Variants in GRHL3 observed in about 807,000 individuals in gnomAD.
GRHL3 encodes the protein grainyhead like transcription factor 3.
A neutral mutation model predicts 70.3 loss-of-function variants in GRHL3; 20 were observed. That is an observed-to-expected ratio of 0.28 (90% confidence interval 0.20 to 0.41). GRHL3 has a LOEUF of 0.41. GRHL3 is among the 10% of genes least tolerant of loss of function. The probability of loss-of-function intolerance (pLI) is 1.00; values close to 1 mark genes in which losing one functional copy is unlikely to be tolerated. For missense variants in GRHL3, 637 were observed against 762.3 expected, an observed-to-expected ratio of 0.84 and a Z score of 1.94; for synonymous variants, 299 against 299.9, an observed-to-expected ratio of 1.00 and a Z score of 0.03.
Position 24,322,959 on chromosome 1 carries a change from A to G in GRHL3, c.17+3391A>G. 1 of 793,928 alleles carries G rather than the reference A, an allele frequency of 1.3e-6. No homozygotes were observed. 49.2% of individuals were successfully genotyped at this position (793,928 alleles called of 1,614,324 possible). A position where few individuals can be genotyped will look rare whatever the true frequency, so the allele number is the denominator to read the frequency against. ...GGCTTGCCCAAGGTCTCACGGAAGC[A>G]CTGGGATCTTAACCGGGTCTTAGCC... On this transcript the variant is annotated intron_variant, in intron 1 of 15. Coordinates refer to ENST00000361548, the MANE Select transcript of GRHL3 (RefSeq NM_198173.3). The surrounding 1 kb of genome is among the most constrained non-coding windows in gnomAD (Gnocchi z 4.4).
At position 24,331,447 on chromosome 1, in the gene GRHL3, A is replaced by G. The variant is rs1265023119; in HGVS notation, c.39A>G (p.Leu13=). Residue 13 remains leucine, a synonymous_variant, in exon 2 of 16, where the codon CTA becomes CTG. Transcript: ENST00000361548. ...TCAGTTTCAGGTCTGTGCGGCTGCT[A>G]AAGAACGACCCAGTCAACTTGCAGA... ...NELDFRSVRL[L]KNDPVNLQKF... The G allele has an allele frequency of 6.2e-7, 1 of 1,613,050 alleles. No individual in the cohort carries two copies. The highest frequency in any genetic ancestry group is 1.7e-5 in the Admixed American group (1 of 59,900).
At chr1:24,335,644 G>A (rs927969618) in intron 3 of GRHL3, among the ~76,000 whole-genome samples, 7 of 150,710 alleles carry the variant, frequency 4.6e-5, no homozygotes, top group African/African-American at 7.4e-5. Context: ...GTGCAGTGGC[G>A]CGGTCTTGGC....
In GRHL3 at chr1:24,363,442, T is replaced by C. The variant is rs538076754; in HGVS notation, c.1695-743T>C. On this transcript the variant is annotated intron_variant, in intron 15 of 15. Coordinates refer to the GRHL3 transcript ENST00000350501. ...GACAATCCGCTGCCAGCAACAGCCA[T>C]GACTGGTGACAACTTCAGGCAGTAC... 1.3e-4 allele frequency among the ~76,000 whole-genome samples: 20 copies of C among 152,318 alleles called. No individual in the cohort carries two copies. The South Asian group carries it at 2.7e-3, about 21-fold the overall frequency.
rs1640640605 is a variant in GRHL3 at position 24,354,507 on chromosome 1, A to G, written c.*19A>G. ...GCTGTAAGGCCTCTCGAGCATCCAAACCCTCACGACCTGCAAGGGGCCAGC... is the reference window on the plus strand; with the variant it reads ...GCTGTAAGGCCTCTCGAGCATCCAAGCCCTCACGACCTGCAAGGGGCCAGC... On this transcript the variant is annotated 3_prime_UTR_variant, in exon 16 of 16. Coordinates refer to ENST00000361548, the MANE Select transcript of GRHL3 (RefSeq NM_198173.3). The G allele has an allele frequency of 6.7e-7, 1 of 1,488,650 alleles. No individual in the cohort carries two copies. The allele number at this position is 1,488,650 out of a possible 1,614,324, so 92.2% of individuals were successfully genotyped here.
rs370153007 is a variant in GRHL3 at position 24,337,124 on chromosome 1, G to A, written c.659G>A (p.Cys220Tyr). 9 of 1,613,990 alleles carry A rather than the reference G, an allele frequency of 5.6e-6. No individual in the cohort carries two copies. In the East Asian group the frequency reaches 6.7e-5, roughly 12 times the overall value. The change falls in exon 5 of 16, where the codon TGT becomes TAT. Residue 220 changes from cysteine (C) to tyrosine (Y), a missense_variant. By Grantham distance (194) the Cys-to-Tyr change is radical. Around this residue, in one of 2 missense-constraint regions of GRHL3, gnomAD observed 387 missense variants for 513.8 expected, o/e 0.75. Coordinates refer to ENST00000361548, the MANE Select transcript of GRHL3 (RefSeq NM_198173.3). ...DILKTSPEPP[C>Y]PEDYPSLKSD... Reference sequence around the variant, plus strand: ...CTGAAAACCTCCCCGGAACCCCCATGTCCAGAGGACTACCCCAGCCTCAAA... The same window carrying A: ...CTGAAAACCTCCCCGGAACCCCCATATCCAGAGGACTACCCCAGCCTCAAA...
Position 24,337,064 on chromosome 1 carries a change from G to A in GRHL3, c.613-14G>A. Reference sequence around the variant, plus strand: ...TGTGAGCATTTATTCTCTTGGGGCTGTGTTTCTCTGCAGTCGATGCTCTTC... The same window carrying A: ...TGTGAGCATTTATTCTCTTGGGGCTATGTTTCTCTGCAGTCGATGCTCTTC... On this transcript the variant is annotated splice_polypyrimidine_tract_variant and intron_variant, in intron 4 of 15. Transcript: ENST00000361548. The A allele has an allele frequency of 6.2e-7, 1 of 1,613,150 alleles. No homozygotes were observed. The highest frequency in any genetic ancestry group is 8.5e-7 in the Non-Finnish European group (1 of 1,179,164).
At position 24,350,102 on chromosome 1, in the gene GRHL3, C is replaced by G; in HGVS notation, c.1674C>G (p.Val558=). The change falls in exon 15 of 16, where the codon GTC becomes GTG. Residue 558 remains valine, a synonymous_variant. Coordinates refer to ENST00000361548, the MANE Select transcript of GRHL3 (RefSeq NM_198173.3). Reference sequence around the variant, plus strand: ...TCCCTGAAGAGAACATTTACAAAGTCTACAAGAAATGCAAGCGAGGGTGAG... The same window carrying G: ...TCCCTGAAGAGAACATTTACAAAGTGTACAAGAAATGCAAGCGAGGGTGAG... The part of the protein sequence containing the change: ...YGFPEENIYK[V]YKKCKRGILV... The G allele has an allele frequency of 6.2e-7, 1 of 1,613,816 alleles. No individual in the cohort carries two copies. The highest frequency in any genetic ancestry group is 8.5e-7 in the Non-Finnish European group (1 of 1,179,826).
chr1:24,337,993 G>A lies in GRHL3; in HGVS notation c.842G>A (p.Ser281Asn). 6.2e-7 allele frequency: 1 copy of A among 1,602,124 alleles called. No homozygotes were observed. Among genetic ancestry groups the A allele is most frequent in the Non-Finnish European group, 8.5e-7 (1 of 1,173,490 alleles). ...GLALSSNKVK[S>N]VVMVVFDNEK... Reference sequence around the variant, plus strand: ...GACTGTGACCAACTGTGCTTGCAGAGTGTGGTGATGGTTGTCTTCGACAAT... The same window carrying A: ...GACTGTGACCAACTGTGCTTGCAGAATGTGGTGATGGTTGTCTTCGACAAT... Residue 281 changes from serine to asparagine, a missense_variant and splice_region_variant, in exon 7 of 16, where the codon AGT becomes AAT. By Grantham distance (46) the Ser-to-Asn change is conservative. Transcript: ENST00000361548.
intron 8 of GRHL3, 60 bp downstream of exon 8, chr1:24,339,822 G>A (rs913727436): frequency 1.7e-5 from 19 of 1,119,710 alleles, no homozygotes; most frequent in Middle Eastern, 2.5e-4. Flanking sequence ...CCTATTCTGG[G>A]GTAGAGGCTT....
chr1:24,347,369 A>G (rs1188046099), intron 13 of GRHL3, 99 bp from the exon 14 acceptor site: 13 of 1,044,892 alleles, frequency 1.2e-5, no homozygotes, highest in Non-Finnish European at 1.9e-5. Context: ...GACCCGCAGC[A>G]GAAGTCAATC....
chr1:24,354,385 A>ACATGG lies in GRHL3; in HGVS notation c.1707_1711dup (p.Asp571AlafsTer73). On this transcript the variant is annotated frameshift_variant, in exon 16 of 16. Coordinates refer to ENST00000361548, the MANE Select transcript of GRHL3 (RefSeq NM_198173.3). LOFTEE classifies it high-confidence loss of function. ...CTCTTCCATTCCAGAATCTTAGTCA[A>ACATGG]CATGGACAACAACATCATTCAGCAT... 1 of 1,612,860 alleles carries ACATGG rather than the reference A, an allele frequency of 6.2e-7. No homozygotes were observed. The highest frequency in any genetic ancestry group is 8.5e-7 in the Non-Finnish European group (1 of 1,178,852).
chr1:24,336,464 C>T lies in GRHL3; in HGVS notation c.267-18C>T, dbSNP rs1347900362. On this transcript the variant is annotated intron_variant, in intron 3 of 15. Coordinates refer to ENST00000361548, the MANE Select transcript of GRHL3 (RefSeq NM_198173.3). The stretch of plus-strand genomic sequence containing the variant: ...CCCCCAGAGAGAAGTACACTCAGCC[C>T]CTTTTCTTTCTCCCCAGGTACTACC... The T allele has an allele frequency of 2.6e-6, 4 of 1,521,142 alleles. No homozygotes were observed. The African/African-American group carries it at 4.1e-5, about 16-fold the overall frequency. The allele number at this position is 1,521,142 out of a possible 1,614,324, so 94.2% of individuals were successfully genotyped here. A position where few individuals can be genotyped will look rare whatever the true frequency, so the allele number is the denominator to read the frequency against.
chr1:24,326,083 G>A (rs543680600), intron 1 of GRHL3, among the ~76,000 whole-genome samples: 1 of 152,318 alleles, frequency 6.6e-6, no homozygotes, highest in Admixed American at 6.5e-5. Flanking sequence ...AAGATCAGAG[G>A]TGATGACAGA....
At chr1:24,323,351 G>A (rs1175227247) in intron 1 of GRHL3, among the ~76,000 whole-genome samples, 3 of 152,140 alleles carry the variant, frequency 2.0e-5, no homozygotes, top group South Asian at 4.1e-4. Context: ...ATGGCTCAGC[G>A]TTATGTGTTT....
intron 14 of GRHL3, among the ~76,000 whole-genome samples, chr1:24,349,259 TC>T (rs2148665453): frequency 6.6e-6 from 1 of 152,310 alleles, no homozygotes; most frequent in African/African-American, 2.4e-5. Context: ...ACCCACAGTC[TC>T]CTCATGCAGG....
rs906675358 is a variant in GRHL3 at position 24,334,943 on chromosome 1, A to T, written c.266+237A>T. Reference sequence around the variant, plus strand: ...CATTGTACTTACTAAAGATATTTTTAAATGTTTTGGAAGAGGCCAGTGAAG... The same window carrying T: ...CATTGTACTTACTAAAGATATTTTTTAATGTTTTGGAAGAGGCCAGTGAAG... On this transcript the variant is annotated intron_variant, in intron 3 of 15. Coordinates refer to ENST00000361548, the MANE Select transcript of GRHL3 (RefSeq NM_198173.3). This position sits in a 1 kb window ranked among gnomAD's most constrained non-coding sequence, Gnocchi z 4.3. Among the ~76,000 whole-genome samples the T allele has an allele frequency of 6.6e-6, 1 of 151,898 alleles. No individual in the cohort carries two copies. The highest frequency in any genetic ancestry group is 2.4e-5 in the African/African-American group (1 of 41,362).
intron 13 of GRHL3, 147 bp downstream of exon 13, chr1:24,346,788 G>T: frequency 8.0e-6 from 5 of 623,852 alleles, no homozygotes; most frequent in Non-Finnish European, 1.1e-5. Context: ...GGGGGTGGGG[G>T]TAAGGAGGGA....
chr1:24,334,781 CTT>C lies in GRHL3; in HGVS notation c.266+76_266+77del. Reference sequence around the variant, plus strand: ...TGGAGCCTCTTCCACACAGGTTTGACTTATCCATTAGGCACAGGAGGCACAGT... The same window carrying C: ...TGGAGCCTCTTCCACACAGGTTTGACATCCATTAGGCACAGGAGGCACAGT... On this transcript the variant is annotated intron_variant, in intron 3 of 15. Coordinates refer to ENST00000361548, the MANE Select transcript of GRHL3 (RefSeq NM_198173.3). The surrounding 1 kb of genome is among the most constrained non-coding windows in gnomAD (Gnocchi z 4.3). 1 of 1,200,018 alleles carries C rather than the reference CTT, an allele frequency of 8.3e-7. No homozygotes were observed. Among genetic ancestry groups the C allele is most frequent in the Non-Finnish European group, 1.2e-6 (1 of 826,388 alleles). The allele number at this position is 1,200,018 out of a possible 1,614,324, so 74.3% of individuals were successfully genotyped here. A position where few individuals can be genotyped will look rare whatever the true frequency, so the allele number is the denominator to read the frequency against.
chr1:24,360,782 G>A (rs1641053038), intron 15 of GRHL3: 1 of 1,405,720 alleles, frequency 7.1e-7, no homozygotes, highest in Admixed American at 2.2e-5. Flanking sequence ...AATGGCATTT[G>A]ATGACCCAAG....
Sources: allele counts gnomAD v4.1 joint callset (sites outside exome capture counted in the v4.1 genomes callset), GRCh38; gene constraint gnomAD v4.1.1; regional missense constraint gnomAD v4.1.1; non-coding constraint Gnocchi (gnomAD v3.1); transcripts MANE v1.5; gene names NCBI Gene and HGNC (gene_info 2026-07-23, HGNC 2026-07-21).